Variants in IMMP2L observed in about 807,000 individuals in gnomAD.
The protein encoded by IMMP2L is inner mitochondrial membrane peptidase subunit 2, also known as mitochondrial inner membrane protease subunit 2.
Under a neutral mutation model 19.3 loss-of-function variants are expected in IMMP2L, and 18 were observed. That is an observed-to-expected ratio of 0.93 (90% CI 0.64 to 1.38). The LOEUF is 1.38. IMMP2L is among the 40% of genes most tolerant of loss of function. IMMP2L has a pLI of 0.00. For synonymous variants in IMMP2L, 76 were observed against 73.0 expected (o/e 1.04, Z -0.21); for missense variants, 233 against 218.2 (o/e 1.07, Z -0.43).
chr7:111,373,454 T>C (rs750722443), intron 3 of IMMP2L, among the ~76,000 whole-genome samples: 22 of 152,096 alleles, frequency 1.4e-4, no homozygotes, highest in Non-Finnish European at 3.1e-4. Context: ...TTTTCACTGC[T>C]ACTAAGTAAG....
intron 5 of IMMP2L, among the ~76,000 whole-genome samples, chr7:110,769,060 G>A (rs143794428): frequency 2.4e-4 from 36 of 152,150 alleles, no homozygotes; most frequent in Non-Finnish European, 1.3e-4. Context: ...GTTCTGGTAC[G>A]TTTTTGCCTG....
chr7:111,000,451 A>C (rs1054551521), intron 3 of IMMP2L, among the ~76,000 whole-genome samples: 7 of 152,208 alleles, frequency 4.6e-5, no homozygotes, highest in African/African-American at 1.7e-4. Context: ...AAATGACAAT[A>C]AGGTGATAAT....
intron 3 of IMMP2L, among the ~76,000 whole-genome samples, chr7:111,374,017 T>C (rs1830466589): frequency 6.6e-6 from 1 of 151,702 alleles, no homozygotes; most frequent in South Asian, 2.1e-4. Context: ...GTAGGTTTGC[T>C]CTGACCCTTC....
intron 3 of IMMP2L, among the ~76,000 whole-genome samples, chr7:111,028,726 A>G (rs1428584845): frequency 1.3e-5 from 2 of 152,136 alleles, no homozygotes; most frequent in Non-Finnish European, 2.9e-5. Context: ...TTAGTATTCC[A>G]TGGTTTTCCT....
intron 4 of IMMP2L, among the ~76,000 whole-genome samples, chr7:110,950,891 T>C: frequency 7.3e-6 from 1 of 136,892 alleles, no homozygotes; most frequent in African/African-American, 2.9e-5. Flanking sequence ...TGCACCAAGT[T>C]CATGTATATA....
chr7:111,267,252 C>T (rs37738), intron 3 of IMMP2L, among the ~76,000 whole-genome samples: 82,123 of 151,780 alleles, frequency 0.54, 22,636 homozygotes, highest in South Asian at 0.71. Context: ...CATACCTTTT[C>T]TGAGGCATTA....
chr7:110,694,244 A>T (rs1386531148), intron 5 of IMMP2L, among the ~76,000 whole-genome samples: 5 of 152,220 alleles, frequency 3.3e-5, no homozygotes, highest in Non-Finnish European at 7.3e-5. Context: ...AGAATAGACT[A>T]GAATTTATTG....
chr7:110,864,993 T>C (rs1407284904), intron 5 of IMMP2L, among the ~76,000 whole-genome samples: 1 of 152,010 alleles, frequency 6.6e-6, no homozygotes, highest in Admixed American at 6.6e-5. Context: ...TATCTAAATA[T>C]TTCCCCACTG....
chr7:111,053,098 T>G (rs1793148980), intron 3 of IMMP2L, among the ~76,000 whole-genome samples: 1 of 152,216 alleles, frequency 6.6e-6, no homozygotes, highest in Non-Finnish European at 1.5e-5. Context: ...AGGCAAGTTT[T>G]AGAGTATGAA....
At chr7:111,387,066 G>A (rs190223453) in intron 3 of IMMP2L, among the ~76,000 whole-genome samples, 1 of 152,162 alleles carries the variant, frequency 6.6e-6, no homozygotes, top group African/African-American at 2.4e-5. Flanking sequence ...CTGTTGTCCT[G>A]TAAAAAGAAA....
chr7:111,465,301 TA>T (rs2132045593), intron 3 of IMMP2L, among the ~76,000 whole-genome samples: 1 of 152,096 alleles, frequency 6.6e-6, no homozygotes, highest in East Asian at 1.9e-4. Context: ...CTACCTGGGC[TA>T]TTTCAGCTAT....
chr7:111,035,392 A>G (rs1372065527), intron 3 of IMMP2L, among the ~76,000 whole-genome samples: 1 of 152,214 alleles, frequency 6.6e-6, no homozygotes, highest in African/African-American at 2.4e-5. Context: ...TCTAAACACA[A>G]ATATGGACAA....
At chr7:111,352,368 T>A (rs1253473006) in intron 3 of IMMP2L, among the ~76,000 whole-genome samples, 1 of 86,334 alleles carries the variant, frequency 1.2e-5, no homozygotes, top group Non-Finnish European at 2.1e-5. Context: ...CACAACTAAC[T>A]TTTTTTTTTT....
intron 4 of IMMP2L, among the ~76,000 whole-genome samples, chr7:110,921,522 G>T (rs1218809931): frequency 5.3e-5 from 8 of 152,150 alleles, no homozygotes; most frequent in Non-Finnish European, 1.0e-4. Context: ...ATAGAGACAA[G>T]ATGCTTTATT....
chr7:111,171,215 T>G (rs894064657), intron 3 of IMMP2L, among the ~76,000 whole-genome samples: 1 of 151,570 alleles, frequency 6.6e-6, no homozygotes, highest in Admixed American at 6.6e-5. Context: ...CACAAAGACA[T>G]ACACAGAGAA....
intron 3 of IMMP2L, among the ~76,000 whole-genome samples, chr7:111,465,094 C>T (rs1840500461): frequency 6.6e-6 from 1 of 151,848 alleles, no homozygotes; most frequent in Non-Finnish European, 1.5e-5. Flanking sequence ...CGCGTCCGGC[C>T]AACACAGCCA....
chr7:110,949,762 A>C (rs1030340934), intron 4 of IMMP2L, among the ~76,000 whole-genome samples: 2 of 152,144 alleles, frequency 1.3e-5, no homozygotes, highest in African/African-American at 4.8e-5. Context: ...AAAAAACAGT[A>C]AGTGCAATTT....
chr7:110,797,997 A>G (rs976645676), intron 5 of IMMP2L, among the ~76,000 whole-genome samples: 1 of 152,072 alleles, frequency 6.6e-6, no homozygotes, highest in Non-Finnish European at 1.5e-5. Context: ...AAGGGCAAAC[A>G]ATGGTTATTA....
At chr7:110,946,163 CA>C (rs1461951225) in intron 4 of IMMP2L, among the ~76,000 whole-genome samples, 1 of 152,084 alleles carries the variant, frequency 6.6e-6, no homozygotes, top group Non-Finnish European at 1.5e-5. Context: ...GCCCCATCTC[CA>C]AAGTTTCCGA....
Sources: allele counts gnomAD v4.1 joint callset (sites outside exome capture counted in the v4.1 genomes callset), GRCh38; gene constraint gnomAD v4.1.1; transcripts MANE v1.5; gene names NCBI Gene and HGNC (gene_info 2026-07-23, HGNC 2026-07-21).